Variants in GTPBP2 observed in about 807,000 individuals in gnomAD.
The protein encoded by GTPBP2 is GTP-binding protein 2.
In GTPBP2, 32 loss-of-function variants were observed where a neutral mutation model predicts 63.0. That is an observed-to-expected ratio of 0.51 (90% CI 0.38 to 0.68). GTPBP2 has a LOEUF of 0.68. Ranked by LOEUF, GTPBP2 falls within the 30% of genes least tolerant of loss-of-function variation. GTPBP2 has a pLI of 0.00. For synonymous variants in GTPBP2, 310 were observed against 322.6 expected (o/e 0.96, Z 0.42); for missense variants, 492 against 796.9 (o/e 0.62, Z 4.61).
Position 43,625,834 on chromosome 6 carries a change from C to A in GTPBP2, c.429G>T (p.Glu143Asp). 2 of 1,614,108 alleles carry A rather than the reference C, an allele frequency of 1.2e-6. No homozygotes were observed. Among genetic ancestry groups the A allele is most frequent in the Non-Finnish European group, 1.7e-6 (2 of 1,179,982 alleles). The change falls in exon 4 of 12, where the codon GAG (glutamate) becomes GAT (aspartate). Residue 143 changes from glutamate to aspartate, a missense_variant. Around this residue, in one of 2 missense-constraint regions of GTPBP2, gnomAD observed 400 missense variants for 710.8 expected, o/e 0.56. Coordinates refer to ENST00000307126, the MANE Select transcript of GTPBP2 (RefSeq NM_019096.5). This position sits in a 1 kb window ranked among gnomAD's most constrained non-coding sequence, Gnocchi z 5.1. Reference protein sequence around the residue: ...KVGADITVLREREVDYDSDMP... With the variant: ...KVGADITVLRDREVDYDSDMP... ...TGTCGCTATCATAATCCACTTCTCG[C>A]TCTCGAAGAACGGTTATGTCTGCCC...
chr6:43,627,081 T>TTG, intron 1 of GTPBP2, 133 bp from the exon 2 acceptor site: 1 of 807,198 alleles, frequency 1.2e-6, no homozygotes, highest in Non-Finnish European at 1.9e-6. Flanking sequence ...GGCAAGTGCC[T>TTG]GTCAAAGGTC....
At position 43,629,239 on chromosome 6, in the gene GTPBP2, C is replaced by T. The variant is rs1769733417; in HGVS notation, c.-77G>A. 3.8e-6 allele frequency: 4 copies of T among 1,060,446 alleles called. No individual in the cohort carries two copies. The highest frequency in any genetic ancestry group is 5.0e-6 in the Non-Finnish European group (4 of 806,578). 65.7% of individuals were successfully genotyped at this position (1,060,446 alleles called of 1,614,324 possible). A position where few individuals can be genotyped will look rare whatever the true frequency, so the allele number is the denominator to read the frequency against. On this transcript the variant is annotated 5_prime_UTR_variant, in exon 1 of 12. Coordinates refer to ENST00000307126, the MANE Select transcript of GTPBP2 (RefSeq NM_019096.5). ...GTCGCCGCCGCCCTTACTGCCACTG[C>T]CGTGTCCGGCCGGCCTGAGCAGAGT...
chr6:43,629,546 A>C, upstream of GTPBP2: 1 of 646,420 alleles, frequency 1.5e-6, no homozygotes. Context: ...CTTGGGGGGA[A>C]TTTAGAGCCT....
At chr6:43,628,646 C>T (rs1356844319) in intron 1 of GTPBP2, 11 of 940,984 alleles carry the variant, frequency 1.2e-5, no homozygotes, top group Non-Finnish European at 1.7e-5. Flanking sequence ...TCCCAGGATG[C>T]AGTCTCTCTT....
At chr6:43,627,375 C>T (rs1769454566) in intron 1 of GTPBP2, 5 of 990,816 alleles carry the variant, frequency 5.0e-6, no homozygotes, top group Admixed American at 1.2e-4. Context: ...CCTGCCTGCC[C>T]CTTTCAGCTG....
rs1207176843 is a variant in GTPBP2, at chr6:43,621,540, T to C, written c.*74A>G. ...GCCTATTAACACACAGAGCCGCCAA[T>C]GGCAGGGCAGCATGGCCAGAAGTCA... On this transcript the variant is annotated 3_prime_UTR_variant, in exon 12 of 12. Transcript: ENST00000307126. The C allele has an allele frequency of 1.1e-5, 18 of 1,610,186 alleles. No individual in the cohort carries two copies. Among genetic ancestry groups the C allele is most frequent in the Admixed American group, 1.7e-5 (1 of 59,106 alleles).
intron 1 of GTPBP2, chr6:43,627,408 G>C (rs757563760): frequency 7.8e-6 from 7 of 893,478 alleles, no homozygotes; most frequent in Non-Finnish European, 9.4e-6. Flanking sequence ...GTAAGAGGCT[G>C]CAAGAGGTTC....
Position 43,625,611 on chromosome 6 carries a change from T to C in GTPBP2, c.508-51A>G. 1 of 1,504,838 alleles carries C rather than the reference T, an allele frequency of 6.6e-7. No homozygotes were observed. The highest frequency in any genetic ancestry group is 9.2e-7 in the Non-Finnish European group (1 of 1,081,118). The allele number at this position is 1,504,838 out of a possible 1,614,324, so 93.2% of individuals were successfully genotyped here. On this transcript the variant is annotated intron_variant, in intron 4 of 11. Coordinates refer to ENST00000307126, the MANE Select transcript of GTPBP2 (RefSeq NM_019096.5). This position sits in a 1 kb window ranked among gnomAD's most constrained non-coding sequence, Gnocchi z 5.1. ...AACTCCAATCTCTCACCCCTCTAAC[T>C]GAAGACTGGGTCAAGGGCAGTGACG... is the stretch of plus-strand genomic sequence containing the variant.
upstream of GTPBP2, chr6:43,629,554 C>A: frequency 1.5e-6 from 1 of 656,606 alleles, no homozygotes; most frequent in South Asian, 1.7e-5. Flanking sequence ...GAATTTAGAG[C>A]CTCGAGGCCT....
rs1237868852 is a variant in GTPBP2 at position 43,624,872 on chromosome 6, C to T, written c.880+16G>A. 9 of 1,613,068 alleles carry T rather than the reference C, an allele frequency of 5.6e-6. No homozygotes were observed. The highest frequency in any genetic ancestry group is 1.7e-4 in the Middle Eastern group (1 of 6,014). ...GCACCCCCCTTCAGCCCTGTCCCTG[C>T]CCTAATGCCTCGTACCAATCCCAGT... On this transcript the variant is annotated intron_variant, in intron 6 of 11. Transcript: ENST00000307126. The surrounding 1 kb of genome is among the most constrained non-coding windows in gnomAD (Gnocchi z 5.1).
At chr6:43,629,737 A>T, upstream of GTPBP2, 2 of 1,552,898 alleles carry the variant, frequency 1.3e-6, no homozygotes, top group South Asian at 2.4e-5. Flanking sequence ...CCTCTGCCTC[A>T]GTTTCTTCCC....
chr6:43,630,372 T>C (rs767697019), upstream of GTPBP2, among the ~76,000 whole-genome samples: 34 of 152,326 alleles, frequency 2.2e-4, no homozygotes, highest in Non-Finnish European at 5.0e-4. Context: ...GGCTGTCTCA[T>C]GACTCAGACC....
chr6:43,620,765 G>A lies in GTPBP2; in HGVS notation c.*849C>T, dbSNP rs1768662529. 6.5e-6 allele frequency: 1 copy of A among 152,958 alleles called. No individual in the cohort carries two copies. Among genetic ancestry groups the A allele is most frequent in the African/African-American group, 2.4e-5 (1 of 41,426 alleles). The allele number at this position is 152,958 out of a possible 1,614,324, so 9.5% of individuals were successfully genotyped here. On this transcript the variant is annotated 3_prime_UTR_variant, in exon 12 of 12. Coordinates refer to ENST00000307126, the MANE Select transcript of GTPBP2 (RefSeq NM_019096.5). ...AGGGTTTAGGTGGGGCAGGAAAGTG[G>A]GGTGAGAGTGGTAGGATGGGGAACT...
intron 9 of GTPBP2, 170 bp downstream of exon 9, chr6:43,623,567 C>G (rs1402526758): frequency 1.1e-5 from 7 of 626,452 alleles, no homozygotes; most frequent in African/African-American, 1.8e-5. Context: ...CCCTCCAAAG[C>G]CAACAGACTA....
chr6:43,625,141 C>T lies in GTPBP2; in HGVS notation c.706-79G>A. ...CAGAGTTGCCAGGACCTAAACCATT[C>T]CCTGGGTGACCCTGCCTCTTAATCT... On this transcript the variant is annotated intron_variant, in intron 5 of 11. Coordinates refer to ENST00000307126, the MANE Select transcript of GTPBP2 (RefSeq NM_019096.5). The surrounding 1 kb of genome is among the most constrained non-coding windows in gnomAD (Gnocchi z 5.1). 1 of 1,301,250 alleles carries T rather than the reference C, an allele frequency of 7.7e-7. No homozygotes were observed. Among genetic ancestry groups the T allele is most frequent in the Non-Finnish European group, 1.1e-6 (1 of 924,950 alleles). 80.6% of individuals were successfully genotyped at this position (1,301,250 alleles called of 1,614,324 possible).
At chr6:43,627,018 T>C (rs1769416597) in intron 1 of GTPBP2, 70 bp from the exon 2 acceptor site, 1 of 1,355,158 alleles carries the variant, frequency 7.4e-7, no homozygotes, top group East Asian at 2.3e-5. Context: ...CAATTCCCAC[T>C]GGGTCCAGGT....
At chr6:43,627,950 C>T (rs1769511734) in intron 1 of GTPBP2, among the ~76,000 whole-genome samples, 2 of 152,204 alleles carry the variant, frequency 1.3e-5, no homozygotes, top group South Asian at 4.1e-4. Context: ...ACAAGAATGA[C>T]AGTCTAGGGC....
In GTPBP2 at chr6:43,622,670, A is replaced by T; in HGVS notation, c.1430T>A (p.Leu477Gln). Residue 477 changes from leucine (L) to glutamine (Q), a missense_variant, in exon 10 of 12, where the codon CTG becomes CAG. Transcript: ENST00000307126. The surrounding 1 kb of genome is among the most constrained non-coding windows in gnomAD (Gnocchi z 5.4). ...RVLRAGQAAT[L>Q]ALGDFDRALL... ...TGCACGGTCAAAGTCCCCAAGCGCC[A>T]GTGTAGCAGCCTGACCAGCTCGCAG... 1.9e-6 allele frequency: 3 copies of T among 1,613,848 alleles called. No individual in the cohort carries two copies. The highest frequency in any genetic ancestry group is 2.5e-6 in the Non-Finnish European group (3 of 1,179,758).
intron 9 of GTPBP2, 91 bp downstream of exon 9, chr6:43,623,646 T>C (rs1442117759): frequency 2.1e-6 from 2 of 947,112 alleles, no homozygotes; most frequent in African/African-American, 1.6e-5. Context: ...ATGGGTTCCG[T>C]TCAATTCCAG....
Sources: gnomAD v4.1 joint callset for allele counts (sites outside exome capture counted in the v4.1 genomes callset) on GRCh38, gnomAD v4.1.1 for gene constraint, gnomAD v4.1.1 regional missense constraint, Gnocchi (gnomAD v3.1) non-coding constraint, MANE v1.5 for transcripts, NCBI Gene and HGNC (gene_info 2026-07-23, HGNC 2026-07-21) for gene names.